The following PPM1L variants were observed in gnomAD, a reference collection of about 807,000 sequenced individuals.
PPM1L encodes the protein protein phosphatase 1L.
Under a neutral mutation model 31.4 loss-of-function variants are expected in PPM1L, and 13 were observed. The ratio of observed to expected loss-of-function variants is 0.41; its 90% CI spans 0.27 to 0.66. The LOEUF (loss-of-function observed/expected upper bound fraction) is 0.66, where lower values mean the gene tolerates loss of function less well. Among genes scored for constraint, PPM1L ranks in the 30% least tolerant of loss-of-function variants. The pLI is 0.29. For synonymous variants in PPM1L, 184 were observed against 175.4 expected (o/e 1.05, Z -0.39); for missense variants, 326 against 453.7 (o/e 0.72, Z 2.56).
At chr3:160,759,748 T>C (rs1714919571) in intron 1 of PPM1L, among the ~76,000 whole-genome samples, 1 of 152,180 alleles carries the variant, frequency 6.6e-6, no homozygotes, top group African/African-American at 2.4e-5. Flanking sequence ...AAAAAACGCC[T>C]TGAAGGTATT....
At chr3:160,857,066 A>G (rs1489577239) in intron 1 of PPM1L, among the ~76,000 whole-genome samples, 1 of 152,188 alleles carries the variant, frequency 6.6e-6, no homozygotes, top group African/African-American at 2.4e-5. Context: ...CAGATTTTAA[A>G]TTGTAAGTTT....
chr3:160,920,698 C>T (rs1457361227), intron 1 of PPM1L, among the ~76,000 whole-genome samples: 1 of 151,164 alleles, frequency 6.6e-6, no homozygotes, highest in East Asian at 1.9e-4. Context: ...TTGTTTCGGA[C>T]AATCCCTTTT....
intron 1 of PPM1L, among the ~76,000 whole-genome samples, chr3:160,859,193 A>G (rs918907370): frequency 1.6e-4 from 25 of 152,192 alleles, no homozygotes; most frequent in African/African-American, 6.0e-4. Flanking sequence ...AGCAGACCCT[A>G]TCTATGCATG....
intron 2 of PPM1L, among the ~76,000 whole-genome samples, chr3:161,055,447 A>G (rs1472755580): frequency 6.6e-6 from 1 of 152,132 alleles, no homozygotes; most frequent in African/African-American, 2.4e-5. Context: ...TAGTTTCATT[A>G]ATGACTGCCT....
intron 2 of PPM1L, among the ~76,000 whole-genome samples, chr3:161,065,018 C>G (rs1328583702): frequency 2.0e-5 from 3 of 152,008 alleles, no homozygotes; most frequent in African/African-American, 7.2e-5. Flanking sequence ...ATCCTTCCCA[C>G]TTCCAACTGG....
chr3:160,756,670 C>G lies in PPM1L; in HGVS notation c.362C>G (p.Pro121Arg). Residue 121 changes from proline to arginine, a missense_variant, in exon 1 of 4, where the codon CCG becomes CGG. By Grantham distance (103) the Pro-to-Arg change is moderately radical. This residue lies in a region of PPM1L where 201 missense variants were observed against 298.2 expected (regional missense o/e 0.67). Coordinates refer to ENST00000498165, the MANE Select transcript of PPM1L (RefSeq NM_139245.4). The surrounding 1 kb of genome is among the most constrained non-coding windows in gnomAD (Gnocchi z 6.2). ...VLTDLANKTH[P>R]SIFGIFDGHG... ...ACGGATCTGGCCAACAAGACGCACC[C>G]GTCCATCTTCGGGATCTTCGACGGG... is the stretch of plus-strand genomic sequence containing the variant. The G allele has an allele frequency of 1.2e-6, 2 of 1,613,940 alleles. No homozygotes were observed. The highest frequency in any genetic ancestry group is 1.7e-6 in the Non-Finnish European group (2 of 1,180,006).
In PPM1L at chr3:160,985,978, A is replaced by AC. The variant is rs60857659; in HGVS notation, c.574+24071dup. On this transcript the variant is annotated intron_variant, in intron 2 of 3. Coordinates refer to ENST00000498165, the MANE Select transcript of PPM1L (RefSeq NM_139245.4). Reference sequence around the variant, plus strand: ...AGTTCTCAGGGAACACTCTCCACCCACCCAAAAAAAAAAATAGCACCTCAA... The same window carrying AC: ...AGTTCTCAGGGAACACTCTCCACCCACCCCAAAAAAAAAAATAGCACCTCAA... Among the ~76,000 whole-genome samples the AC allele has an allele frequency of 5.2e-3, 311 of 59,402 alleles. 1 individual carries two copies. The highest frequency in any genetic ancestry group is 6.0e-3 in the South Asian group (15 of 2,480). The allele number at this position is 59,402 out of a possible 152,430, so 39.0% of individuals were successfully genotyped here.
At chr3:160,934,229 G>A (rs1714883608) in intron 1 of PPM1L, among the ~76,000 whole-genome samples, 1 of 152,152 alleles carries the variant, frequency 6.6e-6, no homozygotes, top group Non-Finnish European at 1.5e-5. Context: ...TTGATTTTCT[G>A]TGCTCCCCAC....
chr3:160,948,376 G>A (rs1715475470), intron 1 of PPM1L, among the ~76,000 whole-genome samples: 1 of 152,148 alleles, frequency 6.6e-6, no homozygotes, highest in Non-Finnish European at 1.5e-5. Flanking sequence ...ATGCAACACT[G>A]CCGGTGATGC....
intron 1 of PPM1L, among the ~76,000 whole-genome samples, chr3:160,817,187 A>G (rs1168853397): frequency 2.0e-5 from 3 of 152,068 alleles, no homozygotes; most frequent in African/African-American, 7.2e-5. Context: ...GTGAGGATGT[A>G]TCTGAAGTGG....
rs1298762920 is a variant in PPM1L, at chr3:161,070,612, CTT to C, written c.*1457_*1458del. 1 of 152,258 alleles carries C rather than the reference CTT, an allele frequency of 6.6e-6. No homozygotes were observed. Among genetic ancestry groups the C allele is most frequent in the African/African-American group, 2.4e-5 (1 of 41,470 alleles). The allele number at this position is 152,258 out of a possible 1,614,324, so 9.4% of individuals were successfully genotyped here. Reference sequence around the variant, plus strand: ...TTTAGAGAAAATGCTGGGTCACTCTCTTTGCCTAAGGTGACTCAAACAGCCAA... The same window carrying C: ...TTTAGAGAAAATGCTGGGTCACTCTCTGCCTAAGGTGACTCAAACAGCCAA... On this transcript the variant is annotated 3_prime_UTR_variant, in exon 4 of 4. Coordinates refer to ENST00000498165, the MANE Select transcript of PPM1L (RefSeq NM_139245.4).
chr3:160,926,477 C>T (rs746988515), intron 1 of PPM1L, among the ~76,000 whole-genome samples: 2 of 152,148 alleles, frequency 1.3e-5, no homozygotes, highest in Non-Finnish European at 2.9e-5. Context: ...TGTTTCATTT[C>T]GATAAGGCAG....
chr3:160,769,195 T>A (rs1302693255), intron 1 of PPM1L, among the ~76,000 whole-genome samples: 3 of 152,082 alleles, frequency 2.0e-5, no homozygotes, highest in South Asian at 4.2e-4. Context: ...CTTAGAAAGG[T>A]GAACAAAACT....
chr3:161,007,958 G>C (rs902638588), intron 2 of PPM1L, among the ~76,000 whole-genome samples: 7 of 152,130 alleles, frequency 4.6e-5, no homozygotes, highest in Admixed American at 3.3e-4. Flanking sequence ...GCTCAAAAAT[G>C]ATACCCCAAC....
intron 2 of PPM1L, among the ~76,000 whole-genome samples, chr3:160,987,535 A>T (rs2108040578): frequency 6.6e-6 from 1 of 152,318 alleles, no homozygotes; most frequent in African/African-American, 2.4e-5. Flanking sequence ...ATATACAGGG[A>T]ATATGATCAA....
chr3:160,989,548 G>C (rs1717064752), intron 2 of PPM1L, among the ~76,000 whole-genome samples: 1 of 151,922 alleles, frequency 6.6e-6, no homozygotes, highest in African/African-American at 2.4e-5. Context: ...GGAATTACAG[G>C]TGCCCTACCA....
At chr3:161,036,992 T>C (rs1289587511) in intron 2 of PPM1L, among the ~76,000 whole-genome samples, 1 of 152,256 alleles carries the variant, frequency 6.6e-6, no homozygotes, top group Non-Finnish European at 1.5e-5. Flanking sequence ...TAAAAAAATC[T>C]TTGATAATTC....
At position 161,065,583 on chromosome 3, in the gene PPM1L, C is replaced by T. The variant is rs953264357; in HGVS notation, c.736+19C>T. ...AGAGCAGGTGAGCTTGTGAACACCT[C>T]CAAGAAATGTCTGCTGTCTTGCTGG... is the stretch of plus-strand genomic sequence containing the variant. On this transcript the variant is annotated intron_variant, in intron 3 of 3. Coordinates refer to ENST00000498165, the MANE Select transcript of PPM1L (RefSeq NM_139245.4). 1.9e-6 allele frequency: 3 copies of T among 1,607,464 alleles called. No individual in the cohort carries two copies. The highest frequency in any genetic ancestry group is 2.6e-6 in the Non-Finnish European group (3 of 1,175,476).
At chr3:160,819,213 A>G (rs932219785) in intron 1 of PPM1L, among the ~76,000 whole-genome samples, 6 of 152,048 alleles carry the variant, frequency 3.9e-5, no homozygotes, top group Non-Finnish European at 8.8e-5. Context: ...CTTTTAAATT[A>G]TAGGAAAAAA....
Sources: gnomAD v4.1 joint callset for allele counts (sites outside exome capture counted in the v4.1 genomes callset) on GRCh38, gnomAD v4.1.1 for gene constraint, gnomAD v4.1.1 regional missense constraint, Gnocchi (gnomAD v3.1) non-coding constraint, MANE v1.5 for transcripts, NCBI Gene and HGNC (gene_info 2026-07-23, HGNC 2026-07-21) for gene names.